The following NKAIN2 variants were observed in gnomAD, a reference collection of about 807,000 sequenced individuals.
The protein encoded by NKAIN2 is sodium/potassium transporting ATPase interacting 2.
Under a neutral mutation model 32.6 loss-of-function variants are expected in NKAIN2, and 14 were observed. The ratio of observed to expected loss-of-function variants is 0.43; its 90% CI spans 0.28 to 0.67. The LOEUF is 0.67. Among genes scored for constraint, NKAIN2 ranks in the 30% least tolerant of loss-of-function variants. The probability of loss-of-function intolerance (pLI) is 0.17; values close to 1 mark genes in which losing one functional copy is unlikely to be tolerated. For synonymous variants in NKAIN2, 80 were observed against 87.2 expected, an observed-to-expected ratio of 0.92 and a Z score of 0.46; for missense variants, 198 against 258.3, an observed-to-expected ratio of 0.77 and a Z score of 1.60.
chr6:124,411,507 G>T (rs1165351241), intron 3 of NKAIN2, among the ~76,000 whole-genome samples: 1 of 152,074 alleles, frequency 6.6e-6, no homozygotes, highest in Non-Finnish European at 1.5e-5. Flanking sequence ...CTGAATATTG[G>T]CCCCCAGTCT....
At chr6:124,415,878 C>CTTTTTTTTTTTTTTTTTTTTTTTTTTTT in intron 3 of NKAIN2, among the ~76,000 whole-genome samples, 7 of 72,590 alleles carry the variant, frequency 9.6e-5, no homozygotes, top group South Asian at 5.6e-4. Flanking sequence ...TTTTTATTTG[C>CTTTTTTTTTTTTTTTTTTTTTTTTTTTT]TTTTTTTTTT....
chr6:124,534,255 T>G (rs564537), intron 3 of NKAIN2, among the ~76,000 whole-genome samples: 5 of 152,056 alleles, frequency 3.3e-5, no homozygotes, highest in Non-Finnish European at 5.9e-5. Context: ...GGCTCAAGCT[T>G]TGCTTATGCC....
chr6:124,068,289 ATGTT>A (rs1209346885), intron 1 of NKAIN2, among the ~76,000 whole-genome samples: 7 of 152,164 alleles, frequency 4.6e-5, no homozygotes, highest in Admixed American at 1.3e-4. Flanking sequence ...ATTTCAATAA[ATGTT>A]TGTTCCTATT....
At chr6:124,305,674 G>A (rs531152823) in intron 2 of NKAIN2, among the ~76,000 whole-genome samples, 89 of 152,228 alleles carry the variant, frequency 5.8e-4, no homozygotes, top group African/African-American at 2.0e-3. Flanking sequence ...GCAAAAGGGT[G>A]GTAGACTGCT....
intron 4 of NKAIN2, among the ~76,000 whole-genome samples, chr6:124,693,525 G>A (rs978038300): frequency 4.6e-5 from 7 of 152,124 alleles, no homozygotes; most frequent in African/African-American, 1.7e-4. Flanking sequence ...GATGTGGTAG[G>A]TAGTGTTATC....
chr6:124,295,628 G>T (rs1796014953), intron 2 of NKAIN2, among the ~76,000 whole-genome samples: 1 of 152,128 alleles, frequency 6.6e-6, no homozygotes, highest in African/African-American at 2.4e-5. Flanking sequence ...GGAGAAATTA[G>T]TATCATTTGT....
intron 3 of NKAIN2, among the ~76,000 whole-genome samples, chr6:124,424,717 C>A (rs2325944): frequency 0.41 from 62,229 of 151,624 alleles, 14,238 homozygotes; most frequent in South Asian, 0.6. Flanking sequence ...ATGACCCCCC[C>A]ACCAGGTTTA....
At chr6:124,689,736 C>T (rs1317264354) in intron 4 of NKAIN2, among the ~76,000 whole-genome samples, 1 of 152,038 alleles carries the variant, frequency 6.6e-6, no homozygotes, top group Non-Finnish European at 1.5e-5. Context: ...CCTATTGCTT[C>T]GTCTTTGTTT....
At chr6:124,477,680 C>T (rs1446240718) in intron 3 of NKAIN2, among the ~76,000 whole-genome samples, 1 of 122,840 alleles carries the variant, frequency 8.1e-6, no homozygotes, top group Non-Finnish European at 1.7e-5. Flanking sequence ...TCTCCTTTCC[C>T]CTCCCCTCTC....
intron 3 of NKAIN2, among the ~76,000 whole-genome samples, chr6:124,513,794 T>G (rs564494361): frequency 2.0e-5 from 3 of 152,272 alleles, no homozygotes; most frequent in African/African-American, 7.2e-5. Flanking sequence ...TAAAAATAGA[T>G]GTTGTTTTAA....
chr6:124,436,639 C>T (rs1352733143), intron 3 of NKAIN2, among the ~76,000 whole-genome samples: 1 of 152,026 alleles, frequency 6.6e-6, no homozygotes, highest in African/African-American at 2.4e-5. Context: ...AGAGCAAATC[C>T]CCTTGCCTCT....
rs568528401 is a variant in NKAIN2, at chr6:124,299,656, T to C, written c.192+16514T>C. Among the ~76,000 whole-genome samples the C allele has an allele frequency of 1.0e-3, 153 of 152,344 alleles. 1 individual carries two copies. Among genetic ancestry groups the C allele is most frequent in the Non-Finnish European group, 1.3e-3 (90 of 68,014 alleles). ...TATATGCAAAATTCCATGATTTTTC[T>C]TCAAATTTTTCCCCTGAAGTATACA... is the stretch of plus-strand genomic sequence containing the variant. On this transcript the variant is annotated intron_variant, in intron 2 of 6. Coordinates refer to ENST00000368417, the MANE Select transcript of NKAIN2 (RefSeq NM_001040214.3).
chr6:123,851,471 G>A (rs147025361), intron 1 of NKAIN2, among the ~76,000 whole-genome samples: 1 of 151,718 alleles, frequency 6.6e-6, no homozygotes, highest in African/African-American at 2.4e-5. Context: ...GGCTGGTCTT[G>A]AGCTCCTAAC....
At position 124,643,478 on chromosome 6, in the gene NKAIN2, T is replaced by C. The variant is rs977992577; in HGVS notation, c.274-14708T>C. 6.6e-5 allele frequency among the ~76,000 whole-genome samples: 10 copies of C among 152,288 alleles called. 3 individuals carry two copies. The highest frequency in any genetic ancestry group is 2.6e-4 in the Admixed American group (4 of 15,300). The stretch of plus-strand genomic sequence containing the variant: ...AATTCTTGGACATAGATTGTCCACA[T>C]CACTTATTAAGTACTTATCAAATAC... On this transcript the variant is annotated intron_variant, in intron 3 of 6. Coordinates refer to ENST00000368417, the MANE Select transcript of NKAIN2 (RefSeq NM_001040214.3).
intron 1 of NKAIN2, among the ~76,000 whole-genome samples, chr6:124,220,746 A>C (rs1164834996): frequency 6.6e-6 from 1 of 151,964 alleles, no homozygotes; most frequent in Non-Finnish European, 1.5e-5. Flanking sequence ...TATCTTTCCC[A>C]GCTGAATGTA....
intron 3 of NKAIN2, among the ~76,000 whole-genome samples, chr6:124,638,648 C>G (rs556373235): frequency 1.3e-5 from 2 of 152,182 alleles, no homozygotes; most frequent in African/African-American, 2.4e-5. Flanking sequence ...GTAATCTCAG[C>G]ACTTTGAGAG....
At chr6:123,818,758 C>T (rs910254697) in intron 1 of NKAIN2, among the ~76,000 whole-genome samples, 1 of 152,106 alleles carries the variant, frequency 6.6e-6, no homozygotes, top group Non-Finnish European at 1.5e-5. Context: ...TCTGGAAGAA[C>T]CAGGCATTTC....
intron 1 of NKAIN2, among the ~76,000 whole-genome samples, chr6:124,204,839 C>T (rs534338539): frequency 6.6e-6 from 1 of 151,736 alleles, no homozygotes; most frequent in South Asian, 2.1e-4. Flanking sequence ...CTTAATCTTT[C>T]AGTGAGTACA....
At chr6:124,350,869 G>C (rs149459745) in intron 2 of NKAIN2, among the ~76,000 whole-genome samples, 2,037 of 152,264 alleles carry the variant, frequency 0.013, 53 homozygotes, top group African/African-American at 0.046. Flanking sequence ...CATGCCTGTA[G>C]TCCTAGCTAT....
Sources: gnomAD v4.1 joint callset for allele counts (sites outside exome capture counted in the v4.1 genomes callset) on GRCh38, gnomAD v4.1.1 for gene constraint, MANE v1.5 for transcripts, NCBI Gene and HGNC (gene_info 2026-07-23, HGNC 2026-07-21) for gene names.